GIMD1: variants seen among roughly 807,000 people sequenced by gnomAD.
GIMD1 encodes the protein GTPase IMAP family member GIMD1.
A neutral mutation model predicts 14.9 loss-of-function variants in GIMD1; 14 were observed. The observed-to-expected ratio is 0.94, with a 90% CI of 0.62 to 1.47. GIMD1 has a LOEUF of 1.47. Among genes scored for constraint, GIMD1 ranks in the 40% most tolerant of loss-of-function variants. The probability of loss-of-function intolerance (pLI) is 0.00; values close to 1 mark genes in which losing one functional copy is unlikely to be tolerated. For synonymous variants in GIMD1, 91 were observed against 90.5 expected (o/e 1.01, Z -0.03); for missense variants, 272 against 255.3 (o/e 1.07, Z -0.44).
At chr4:106,362,332 A>G (rs2125934013) in intron 2 of GIMD1, among the ~76,000 whole-genome samples, 1 of 152,266 alleles carries the variant, frequency 6.6e-6, no homozygotes, top group Admixed American at 6.6e-5. Context: ...GTGGCCAAAC[A>G]TGTTCTCTAT....
chr4:106,367,325 G>A lies in GIMD1; in HGVS notation c.111C>T (p.Ser37=). The change falls in exon 2 of 3, where the codon AGC becomes AGT. Residue 37 remains serine, a synonymous_variant. Transcript: ENST00000638719. The part of the protein sequence containing the change: ...ILLGSTDFHS[S]FAPCSVTTCC... ...ATGTGGTCACAGAACAGGGAGCAAA[G>A]CTGCTGTGAAAGTCTGTGCTTCCCA... 6.5e-7 allele frequency: 1 copy of A among 1,536,058 alleles called. No homozygotes were observed. Among genetic ancestry groups the A allele is most frequent in the Non-Finnish European group, 8.7e-7 (1 of 1,146,846 alleles).
At position 106,367,118 on chromosome 4, in the gene GIMD1, G is replaced by A. The variant is rs763589119; in HGVS notation, c.318C>T (p.His106=). The A allele has an allele frequency of 2.0e-6, 3 of 1,535,446 alleles. No homozygotes were observed. The highest frequency in any genetic ancestry group is 2.4e-5 in the East Asian group (1 of 40,888). Residue 106 remains histidine (H), a synonymous_variant, in exon 2 of 3, where the codon CAC becomes CAT. Transcript: ENST00000638719. ...LAHHFGQGGL[H]LALLVQRADV... ...CTGCTCTCTGAACCAGGAGTGCAAG[G>A]TGGAGACCCCCTTGCCCGAAGTGAT...
At chr4:106,358,506 A>T (rs182461254) in intron 2 of GIMD1, 63 bp from the exon 3 acceptor site, 1 of 1,270,378 alleles carries the variant, frequency 7.9e-7, no homozygotes, top group East Asian at 2.5e-5. Flanking sequence ...TGAGCAAAGG[A>T]TTTATTACGG....
At chr4:106,365,918 C>T (rs1414353319) in intron 2 of GIMD1, among the ~76,000 whole-genome samples, 1 of 147,478 alleles carries the variant, frequency 6.8e-6, no homozygotes, top group Non-Finnish European at 1.5e-5. Flanking sequence ...CATATGCACA[C>T]ACACACATGT....
chr4:106,358,640 A>G (rs1770569980), intron 2 of GIMD1, among the ~76,000 whole-genome samples, 197 bp from the exon 3 acceptor site: 1 of 151,944 alleles, frequency 6.6e-6, no homozygotes, highest in Non-Finnish European at 1.5e-5. Flanking sequence ...CTTTCTGAAA[A>G]AGGCAGGATT....
intron 2 of GIMD1, among the ~76,000 whole-genome samples, chr4:106,362,949 C>T (rs140966697): frequency 1.3e-5 from 2 of 152,144 alleles, no homozygotes; most frequent in East Asian, 1.9e-4. Context: ...TGATTATTGA[C>T]AGGCTTGGAC....
rs1770546981 is a variant in GIMD1 at position 106,357,476 on chromosome 4, G to T, written c.*707C>A. Reference sequence around the variant, plus strand: ...AGTTTATAAATCACAAGTGTTTGTTGTTGCATTTTCACAAAGTGAACAAAT... The same window carrying T: ...AGTTTATAAATCACAAGTGTTTGTTTTTGCATTTTCACAAAGTGAACAAAT... On this transcript the variant is annotated 3_prime_UTR_variant, in exon 3 of 3. Transcript: ENST00000638719. 6.6e-6 allele frequency: 1 copy of T among 151,974 alleles called. No homozygotes were observed. The highest frequency in any genetic ancestry group is 1.5e-5 in the Non-Finnish European group (1 of 67,968). The allele number at this position is 151,974 out of a possible 1,614,324, so 9.4% of individuals were successfully genotyped here.
chr4:106,362,917 G>C (rs1324080897), intron 2 of GIMD1, among the ~76,000 whole-genome samples: 1 of 151,992 alleles, frequency 6.6e-6, no homozygotes, highest in Non-Finnish European at 1.5e-5. Context: ...GGTGTTAAAT[G>C]ACTTGGCCAA....
intron 2 of GIMD1, among the ~76,000 whole-genome samples, chr4:106,365,161 C>T (rs1402923821): frequency 6.6e-6 from 1 of 152,176 alleles, no homozygotes; most frequent in African/African-American, 2.4e-5. Context: ...AGGCTTCCCA[C>T]CACTTGATTT....
At position 106,358,200 on chromosome 4, in the gene GIMD1, C is replaced by G; in HGVS notation, c.637G>C (p.Val213Leu). 7 of 1,496,426 alleles carry G rather than the reference C, an allele frequency of 4.7e-6. No individual in the cohort carries two copies. The highest frequency in any genetic ancestry group is 6.2e-6 in the Non-Finnish European group (7 of 1,128,224). The allele number at this position is 1,496,426 out of a possible 1,614,324, so 92.7% of individuals were successfully genotyped here. Residue 213 changes from valine (V) to leucine (L), a missense_variant, in exon 3 of 3, where the codon GTT becomes CTT. By Grantham distance (32) the Val-to-Leu change is conservative. Coordinates refer to ENST00000638719, the MANE Select transcript of GIMD1 (RefSeq NM_001195138.2). ...CCTAAATTTTATTTAAATGTAAGAA[C>G]TTGGTAACAGTTCTCTTTTATAAAT... is the stretch of plus-strand genomic sequence containing the variant. The part of the protein sequence containing the change: ...MEFIKENCYQ[V>L]LTFK
At chr4:106,365,104 A>G (rs1319570556) in intron 2 of GIMD1, among the ~76,000 whole-genome samples, 1 of 152,180 alleles carries the variant, frequency 6.6e-6, no homozygotes, top group East Asian at 1.9e-4. Context: ...ATAGCTTTAA[A>G]TGAATTTTTA....
rs945946028 is a variant in GIMD1, at chr4:106,357,472, T to G, written c.*711A>C. 1.3e-5 allele frequency: 2 copies of G among 152,098 alleles called. No individual in the cohort carries two copies. Among genetic ancestry groups the G allele is most frequent in the African/African-American group, 4.8e-5 (2 of 41,434 alleles). The allele number at this position is 152,098 out of a possible 1,614,324, so 9.4% of individuals were successfully genotyped here. On this transcript the variant is annotated 3_prime_UTR_variant, in exon 3 of 3. Coordinates refer to ENST00000638719, the MANE Select transcript of GIMD1 (RefSeq NM_001195138.2). ...AAGTAGTTTATAAATCACAAGTGTT[T>G]GTTGTTGCATTTTCACAAAGTGAAC...
intron 2 of GIMD1, among the ~76,000 whole-genome samples, chr4:106,359,566 C>T (rs1308015001): frequency 6.6e-6 from 1 of 151,666 alleles, no homozygotes; most frequent in Non-Finnish European, 1.5e-5. Flanking sequence ...CTTATAAAGA[C>T]TTTGAGTTAT....
At chr4:106,366,206 C>T (rs1056638652) in intron 2 of GIMD1, among the ~76,000 whole-genome samples, 1 of 152,140 alleles carries the variant, frequency 6.6e-6, no homozygotes, top group Non-Finnish European at 1.5e-5. Flanking sequence ...ACTGATAAGG[C>T]AAGCAAAGAA....
At chr4:106,367,485 C>T in intron 1 of GIMD1, 48 bp from the exon 2 acceptor site, 1 of 1,449,690 alleles carries the variant, frequency 6.9e-7, no homozygotes, top group Non-Finnish European at 9.1e-7. Flanking sequence ...TTCTACATTC[C>T]CCCAATGTAA....
In GIMD1 at chr4:106,367,196, G is replaced by C. The variant is rs1325616100; in HGVS notation, c.240C>G (p.His80Gln). The change falls in exon 2 of 3, where the codon CAC (histidine) becomes CAG (glutamine). Residue 80 changes from histidine to glutamine, a missense_variant. His to Gln is a conservative substitution (Grantham distance 24, BLOSUM62 0). Transcript: ENST00000638719. ...TCACATACTTCTTGCTCAGCCTGCT[G>C]TGTGGATAACCTGGAGTGTCCAACA... is the stretch of plus-strand genomic sequence containing the variant. ...VQVLDTPGYP[H>Q]SRLSKKYVKQ... The C allele has an allele frequency of 6.5e-7, 1 of 1,535,680 alleles. No homozygotes were observed. Among genetic ancestry groups the C allele is most frequent in the Admixed American group, 2.0e-5 (1 of 50,946 alleles).
At position 106,367,231 on chromosome 4, in the gene GIMD1, G is replaced by C; in HGVS notation, c.205C>G (p.Gln69Glu). 6.5e-7 allele frequency: 1 copy of C among 1,535,832 alleles called. No individual in the cohort carries two copies. Residue 69 changes from glutamine to glutamate, a missense_variant, in exon 2 of 3, where the codon CAG becomes GAG. By Grantham distance (29) the Gln-to-Glu change is conservative. Coordinates refer to ENST00000638719, the MANE Select transcript of GIMD1 (RefSeq NM_001195138.2). ...CCTGGAGTGTCCAACACCTGGACCTGCAGGGCTACCTCTAGCCCACCTCGA... is the reference window on the plus strand; with the variant it reads ...CCTGGAGTGTCCAACACCTGGACCTCCAGGGCTACCTCTAGCCCACCTCGA... Reference protein sequence around the residue: ...MRRGGLEVALQVQVLDTPGYP... With the variant: ...MRRGGLEVALEVQVLDTPGYP...
At chr4:106,360,244 T>C (rs1394002610) in intron 2 of GIMD1, among the ~76,000 whole-genome samples, 1 of 152,012 alleles carries the variant, frequency 6.6e-6, no homozygotes, top group African/African-American at 2.4e-5. Context: ...TTTTTCTTCA[T>C]ATGTGTTCAA....
chr4:106,368,697 A>G lies in GIMD1; in HGVS notation c.-3+13T>C, dbSNP rs1259899425. On this transcript the variant is annotated intron_variant, in intron 1 of 2. Transcript: ENST00000638719. The stretch of plus-strand genomic sequence containing the variant: ...ATTATTCAATCCCAATCCATTTGCT[A>G]TATTTCGCTTACCTTTTCCAGTCTT... The G allele has an allele frequency of 2.3e-5, 9 of 398,318 alleles. No homozygotes were observed. The highest frequency in any genetic ancestry group is 2.2e-4 in the Admixed American group (5 of 22,696). The allele number at this position is 398,318 out of a possible 1,614,324, so 24.7% of individuals were successfully genotyped here.
Sources: gnomAD v4.1 joint callset for allele counts (sites outside exome capture counted in the v4.1 genomes callset) on GRCh38, gnomAD v4.1.1 for gene constraint, MANE v1.5 for transcripts, NCBI Gene and HGNC (gene_info 2026-07-23, HGNC 2026-07-21) for gene names.